The following ZNF69 variants were observed in gnomAD, a reference collection of about 807,000 sequenced individuals.
ZNF69 encodes the protein zinc finger protein 69, also known as ZNF3.
A neutral mutation model predicts 50.9 loss-of-function variants in ZNF69; 47 were observed. That is an observed-to-expected ratio of 0.92 (90% CI 0.73 to 1.18). The LOEUF is 1.18. Among genes scored for constraint, ZNF69 ranks in the 50% most tolerant of loss-of-function variants. The pLI, the probability that ZNF69 is intolerant of heterozygous loss-of-function variation, is 0.00. For missense variants in ZNF69, 717 were observed against 675.1 expected (o/e 1.06, Z -0.69); for synonymous variants, 216 against 223.1 (o/e 0.97, Z 0.29).
the ZNF69 span, among the ~76,000 whole-genome samples, chr19:11,972,254 C>T: frequency 6.6e-6 from 1 of 151,270 alleles, no homozygotes; most frequent in Non-Finnish European, 1.5e-5. Flanking sequence ...CACCACACTC[C>T]AGCCTGGGCA....
At chr19:11,972,521 G>C in the ZNF69 span, among the ~76,000 whole-genome samples, 1 of 152,060 alleles carries the variant, frequency 6.6e-6, no homozygotes, top group Admixed American at 6.6e-5. Context: ...TTGGGAATAA[G>C]ATAATTGCCT....
chr19:11,947,679 C>G, the ZNF69 span: 1 of 1,123,030 alleles, frequency 8.9e-7, no homozygotes, highest in East Asian at 2.4e-5. Context: ...GCATCAAATT[C>G]ATTTCTTCTT....
the ZNF69 span, among the ~76,000 whole-genome samples, chr19:11,975,208 C>T: frequency 6.6e-6 from 1 of 151,674 alleles, no homozygotes; most frequent in Non-Finnish European, 1.5e-5. Context: ...AAGCGATTCT[C>T]CTGCCTCAGT....
chr19:11,959,766 A>G, the ZNF69 span, among the ~76,000 whole-genome samples: 1 of 152,214 alleles, frequency 6.6e-6, no homozygotes, highest in Non-Finnish European at 1.5e-5. Context: ...ATTCAAATTT[A>G]CTATGAAATG....
the ZNF69 span, among the ~76,000 whole-genome samples, chr19:11,974,159 C>T: frequency 0.019 from 1,393 of 75,268 alleles, 30 homozygotes; most frequent in African/African-American, 0.071. Context: ...TCTTTCTTTC[C>T]TTCCTTCCTT....
intron 1 of ZNF69, among the ~76,000 whole-genome samples, chr19:11,893,579 T>C (rs1977148355): frequency 6.6e-6 from 1 of 152,232 alleles, no homozygotes; most frequent in Admixed American, 6.5e-5. Flanking sequence ...GGGATGCGGT[T>C]CCTTTCTGGA....
the ZNF69 span, among the ~76,000 whole-genome samples, chr19:11,960,601 GT>G: frequency 0.046 from 6,594 of 143,226 alleles, 303 homozygotes; most frequent in African/African-American, 0.11. Flanking sequence ...GCAATGAGCG[GT>G]TTTTTTTTTT....
At chr19:11,950,579 A>G in the ZNF69 span, 138 of 524,162 alleles carry the variant, frequency 2.6e-4, no homozygotes, top group Non-Finnish European at 4.6e-4. Context: ...CGCACCTTCA[A>G]CGGCATGGAA....
the ZNF69 span, among the ~76,000 whole-genome samples, chr19:11,922,642 GC>G: frequency 3.7e-5 from 5 of 134,414 alleles, no homozygotes; most frequent in East Asian, 2.2e-4. Context: ...TTCACCAGGG[GC>G]CTTTTCCATT....
chr19:11,968,520 A>T, the ZNF69 span, among the ~76,000 whole-genome samples: 1 of 152,200 alleles, frequency 6.6e-6, no homozygotes, highest in South Asian at 2.1e-4. Context: ...GGGATTATAG[A>T]CATGAGCAAA....
Position 11,905,938 on chromosome 19 carries a change from C to T in ZNF69, c.1541C>T (p.Ala514Val). ...TATGAATGCAAGCAATGTGGTGAAGCCTTCAGTAGTTCCAGTTCCTTTCGA... is the reference window on the plus strand; with the variant it reads ...TATGAATGCAAGCAATGTGGTGAAGTCTTCAGTAGTTCCAGTTCCTTTCGA... ...KLYECKQCGE[A>V]FSSSSSFRYH... is the part of the protein sequence containing the mutation. The change falls in exon 4 of 4, where the codon GCC becomes GTC. Residue 514 changes from alanine to valine, a missense_variant. By Grantham distance (64) the Ala-to-Val change is moderately conservative (BLOSUM62 0). Coordinates refer to ENST00000429654, the MANE Select transcript of ZNF69 (RefSeq NM_001364730.1). 6.2e-7 allele frequency: 1 copy of T among 1,613,896 alleles called. No individual in the cohort carries two copies. The highest frequency in any genetic ancestry group is 8.5e-7 in the Non-Finnish European group (1 of 1,179,972).
rs569413529 is a variant in ZNF69, at chr19:11,905,223, T to C, written c.826T>C (p.Tyr276His). The C allele has an allele frequency of 1.2e-4, 187 of 1,614,144 alleles. No homozygotes were observed. The Middle Eastern group carries it at 1.8e-3, about 16-fold the overall frequency. ...AAGAACTCACACTGGAGAAAAGCCT[T>C]ATGAATGTCAGCAATGTGGGAAAGC... is the stretch of plus-strand genomic sequence containing the variant. The part of the protein sequence containing the change: ...HERTHTGEKP[Y>H]ECQQCGKAFH... The change falls in exon 4 of 4, where the codon TAT becomes CAT. Residue 276 changes from tyrosine (Y) to histidine (H), a missense_variant. Transcript: ENST00000429654.
downstream of ZNF69, among the ~76,000 whole-genome samples, chr19:11,907,031 G>T (rs1283769120): frequency 6.6e-6 from 1 of 152,134 alleles, no homozygotes; most frequent in African/African-American, 2.4e-5. Context: ...TGTGATGCAT[G>T]CACAAGCTTC....
chr19:11,954,975 TATAG>T, the ZNF69 span, among the ~76,000 whole-genome samples: 4 of 151,044 alleles, frequency 2.6e-5, no homozygotes, highest in South Asian at 8.3e-4. Flanking sequence ...ATTTGTCTTA[TATAG>T]AGTTTGTTTC....
the ZNF69 span, chr19:11,949,328 T>G: frequency 6.2e-7 from 1 of 1,611,602 alleles, no homozygotes; most frequent in East Asian, 2.2e-5. Context: ...CAGCTTCGAG[T>G]GCACGGTGGG....
chr19:11,957,017 A>C, the ZNF69 span, among the ~76,000 whole-genome samples: 1 of 152,142 alleles, frequency 6.6e-6, no homozygotes, highest in Admixed American at 6.5e-5. Flanking sequence ...TGCCCTCCGC[A>C]AGTGACAGTT....
chr19:11,937,883 A>G, the ZNF69 span, among the ~76,000 whole-genome samples: 2 of 151,948 alleles, frequency 1.3e-5, no homozygotes, highest in Non-Finnish European at 2.9e-5. Flanking sequence ...GGAGATATTA[A>G]CCCATTTATG....
At chr19:11,913,309 A>C in intron 4 of ZNF69, 1 of 536,304 alleles carries the variant, frequency 1.9e-6, no homozygotes. Context: ...TGTGGATAAA[A>C]TGCCAGGCAT....
At chr19:11,971,923 G>A in the ZNF69 span, among the ~76,000 whole-genome samples, 5 of 152,058 alleles carry the variant, frequency 3.3e-5, no homozygotes, top group Admixed American at 6.6e-5. Context: ...TTAGCCAGGC[G>A]TGGTGGCAGA....
Sources: gnomAD v4.1 joint callset for allele counts (sites outside exome capture counted in the v4.1 genomes callset) on GRCh38, gnomAD v4.1.1 for gene constraint, MANE v1.5 for transcripts, NCBI Gene and HGNC (gene_info 2026-07-23, HGNC 2026-07-21) for gene names.